FCN1: variants seen among roughly 807,000 people sequenced by gnomAD.
FCN1 encodes ficolin 1, also known as ficolin-1.
FCN1 carries 42 observed loss-of-function variants against 35.6 expected under a neutral mutation model. That is an observed-to-expected ratio of 1.18 (90% confidence interval 0.92 to 1.53). The LOEUF is 1.53. Among genes scored for constraint, FCN1 ranks in the 40% most tolerant of loss-of-function variants. The probability of loss-of-function intolerance (pLI) is 0.00; values close to 1 mark genes in which losing one functional copy is unlikely to be tolerated. For missense variants in FCN1, 439 were observed against 428.4 expected, an observed-to-expected ratio of 1.02 and a Z score of -0.22; for synonymous variants, 179 against 169.8, an observed-to-expected ratio of 1.05 and a Z score of -0.42.
Position 134,917,693 on chromosome 9 carries a change from T to G in FCN1, c.103+76A>C, listed in dbSNP as rs367660674. ...ACAGGAAGATGTGCATAAAAGGTTT[T>G]GCCTGGGACACCCGAGTGTCAGTGA... On this transcript the variant is annotated intron_variant, in intron 1 of 8. Coordinates refer to ENST00000371806, the MANE Select transcript of FCN1 (RefSeq NM_002003.5). 21 of 910,672 alleles carry G rather than the reference T, an allele frequency of 2.3e-5. No individual in the cohort carries two copies. The East Asian group carries it at 3.6e-4, about 16-fold the overall frequency. 56.4% of individuals were successfully genotyped at this position (910,672 alleles called of 1,614,324 possible).
At chr9:134,910,176 A>C in intron 8 of FCN1, 131 bp from the exon 9 acceptor site, 1 of 839,570 alleles carries the variant, frequency 1.2e-6, no homozygotes, top group Non-Finnish European at 2.0e-6. Context: ...CAGGTGCACA[A>C]ATGACCCACC....
chr9:134,911,534 A>G (rs1367134260), intron 7 of FCN1, among the ~76,000 whole-genome samples: 1 of 144,336 alleles, frequency 6.9e-6, no homozygotes, highest in Non-Finnish European at 1.5e-5. Flanking sequence ...TTGTATTTTT[A>G]GTAGAGATGG....
In FCN1 at chr9:134,907,564, C is replaced by T. The variant is rs1448435954; in HGVS notation, c.*2234G>A. 6.6e-6 allele frequency: 1 copy of T among 152,228 alleles called. No homozygotes were observed. Among genetic ancestry groups the T allele is most frequent in the Non-Finnish European group, 1.5e-5 (1 of 68,044 alleles). 9.4% of individuals were successfully genotyped at this position (152,228 alleles called of 1,614,324 possible). ...CCCCAGAGGCTTGTCCCTGTCCCTT[C>T]CCAGTCACCATGTGGTCCCACCCTC... is the stretch of plus-strand genomic sequence containing the variant. On this transcript the variant is annotated 3_prime_UTR_variant, in exon 9 of 9. Transcript: ENST00000371806.
Position 134,909,788 on chromosome 9 carries a change from C to T in FCN1, c.*10G>A, listed in dbSNP as rs779764622. The T allele has an allele frequency of 3.7e-6, 6 of 1,612,118 alleles. No homozygotes were observed. Among genetic ancestry groups the T allele is most frequent in the South Asian group, 2.2e-5 (2 of 90,992 alleles). On this transcript the variant is annotated 3_prime_UTR_variant, in exon 9 of 9. Coordinates refer to ENST00000371806, the MANE Select transcript of FCN1 (RefSeq NM_002003.5). ...CACTAGCAGGTGCATGTGGAGGGGT[C>T]CTGGCCCGTCTAGGCGGGCCGCACC... is the stretch of plus-strand genomic sequence containing the variant.
chr9:134,904,912 A>G lies in FCN1; in HGVS notation c.*4886T>C, dbSNP rs1044321159. Among the ~76,000 whole-genome samples the G allele has an allele frequency of 1.3e-5, 2 of 152,350 alleles. No homozygotes were observed. Among genetic ancestry groups the G allele is most frequent in the African/African-American group, 4.8e-5 (2 of 41,584 alleles). ...GCAACATAAAGTGTAAAAATGTGGTAAAAATGAATACGGACTGCACAAAAC... is the reference window on the plus strand; with the variant it reads ...GCAACATAAAGTGTAAAAATGTGGTGAAAATGAATACGGACTGCACAAAAC... On this transcript the variant is annotated 3_prime_UTR_variant, in exon 9 of 9. Coordinates refer to ENST00000371806, the MANE Select transcript of FCN1 (RefSeq NM_002003.5).
At position 134,909,225 on chromosome 9, in the gene FCN1, A is replaced by G. The variant is rs1478686199; in HGVS notation, c.*573T>C. Reference sequence around the variant, plus strand: ...TCCCAGCAGCCAGCCAGCCCAAAGCATGAACTCTGCCGTGGTGGGAAGCAG... The same window carrying G: ...TCCCAGCAGCCAGCCAGCCCAAAGCGTGAACTCTGCCGTGGTGGGAAGCAG... On this transcript the variant is annotated 3_prime_UTR_variant, in exon 9 of 9. Transcript: ENST00000371806. 2 of 1,289,820 alleles carry G rather than the reference A, an allele frequency of 1.6e-6. No homozygotes were observed. The highest frequency in any genetic ancestry group is 2.0e-6 in the Non-Finnish European group (2 of 988,878). 79.9% of individuals were successfully genotyped at this position (1,289,820 alleles called of 1,614,324 possible).
At chr9:134,917,316 C>A (rs1214075203) in intron 1 of FCN1, among the ~76,000 whole-genome samples, 3 of 152,192 alleles carry the variant, frequency 2.0e-5, no homozygotes, top group African/African-American at 4.8e-5. Flanking sequence ...AAACACCTTA[C>A]CACCGTTCAA....
In FCN1 at chr9:134,916,411, C is replaced by A; in HGVS notation, c.154G>T (p.Gly52Cys). The change falls in exon 2 of 9, where the codon GGC becomes TGC. Residue 52 changes from glycine (G) to cysteine (C), a missense_variant. By Grantham distance (159) the Gly-to-Cys change is radical. Coordinates refer to ENST00000371806, the MANE Select transcript of FCN1 (RefSeq NM_002003.5). Reference sequence around the variant, plus strand: ...GGGGCCCCGGGCAGCCCCGGGCAGCCTCGGAGAATGGTGAGCTTGTCAGAG... The same window carrying A: ...GGGGCCCCGGGCAGCCCCGGGCAGCATCGGAGAATGGTGAGCTTGTCAGAG... ...EGSDKLTILR[G>C]CPGLPGAPGP... is the part of the protein sequence containing the mutation. The A allele has an allele frequency of 6.2e-7, 1 of 1,614,244 alleles. No individual in the cohort carries two copies. The highest frequency in any genetic ancestry group is 1.1e-5 in the South Asian group (1 of 91,090).
chr9:134,906,707 A>C lies in FCN1; in HGVS notation c.*3091T>G, dbSNP rs1194380989. 6.6e-6 allele frequency: 1 copy of C among 152,176 alleles called. No individual in the cohort carries two copies. The highest frequency in any genetic ancestry group is 1.5e-5 in the Non-Finnish European group (1 of 68,034). 9.4% of individuals were successfully genotyped at this position (152,176 alleles called of 1,614,324 possible). Reference sequence around the variant, plus strand: ...TTATATTGGATTTGTGAGATTCTTCATAATAGGCCAAATTATTTAAACATT... The same window carrying C: ...TTATATTGGATTTGTGAGATTCTTCCTAATAGGCCAAATTATTTAAACATT... On this transcript the variant is annotated 3_prime_UTR_variant, in exon 9 of 9. Coordinates refer to ENST00000371806, the MANE Select transcript of FCN1 (RefSeq NM_002003.5).
chr9:134,909,527 C>T lies in FCN1; in HGVS notation c.*271G>A. The T allele has an allele frequency of 7.3e-7, 1 of 1,378,852 alleles. No homozygotes were observed. The highest frequency in any genetic ancestry group is 9.6e-7 in the Non-Finnish European group (1 of 1,046,836). 85.4% of individuals were successfully genotyped at this position (1,378,852 alleles called of 1,614,324 possible). On this transcript the variant is annotated 3_prime_UTR_variant, in exon 9 of 9. Coordinates refer to ENST00000371806, the MANE Select transcript of FCN1 (RefSeq NM_002003.5). ...AGGGAAAGACCTGCCGTGCAACAGA[C>T]ACAGGAAAGTGATCAAAACCACTGG... is the stretch of plus-strand genomic sequence containing the variant.
rs535339253 is a variant in FCN1 at position 134,913,897 on chromosome 9, C to T, written c.308-284G>A. 3.9e-5 allele frequency among the ~76,000 whole-genome samples: 6 copies of T among 152,250 alleles called. No homozygotes were observed. The East Asian group carries it at 7.7e-4, about 20-fold the overall frequency. ...CGAACTGGACCCCTAGTGGGGCCTT[C>T]GCCACTGATAACAGCGGAATAACTC... On this transcript the variant is annotated intron_variant, in intron 4 of 8. Coordinates refer to ENST00000371806, the MANE Select transcript of FCN1 (RefSeq NM_002003.5).
At position 134,905,903 on chromosome 9, in the gene FCN1, TTCTTCTTCTTCTTCTTCTTCTCCC is replaced by T. The variant is rs1564215490; in HGVS notation, c.*3871_*3894del. ...CTTCTTCTTCTTCTTCTTCTTCTTC[TTCTTCTTCTTCTTCTTCTTCTCCC>T]TCTCCCTCTCCCTCTCCCTCTCCCT... On this transcript the variant is annotated 3_prime_UTR_variant, in exon 9 of 9. Coordinates refer to ENST00000371806, the MANE Select transcript of FCN1 (RefSeq NM_002003.5). 3.6e-5 allele frequency: 4 copies of T among 112,032 alleles called. No individual in the cohort carries two copies. Among genetic ancestry groups the T allele is most frequent in the Admixed American group, 1.6e-4 (2 of 12,210 alleles). 6.9% of individuals were successfully genotyped at this position (112,032 alleles called of 1,614,324 possible).
chr9:134,913,685 C>T, intron 4 of FCN1, 72 bp from the exon 5 acceptor site: 1 of 1,222,436 alleles, frequency 8.2e-7, no homozygotes, highest in Non-Finnish European at 1.2e-6. Flanking sequence ...CCCAGTGGCT[C>T]CCTGAGCACA....
intron 2 of FCN1, 105 bp downstream of exon 2, chr9:134,916,243 C>A: frequency 1.1e-6 from 1 of 894,416 alleles, no homozygotes; most frequent in Non-Finnish European, 1.8e-6. Context: ...GGCTCTTGAT[C>A]TAGGAACCAC....
At position 134,916,469 on chromosome 9, in the gene FCN1, G is replaced by A. The variant is rs1228702985; in HGVS notation, c.104-8C>T. 1 of 1,612,406 alleles carries A rather than the reference G, an allele frequency of 6.2e-7. No individual in the cohort carries two copies. Among genetic ancestry groups the A allele is most frequent in the African/African-American group, 1.3e-5 (1 of 74,924 alleles). ...GGCCCACCACCTTCACCTCTGCAGA[G>A]AAACACAGGTGCCCACTCAGTGCCT... On this transcript the variant is annotated splice_region_variant and splice_polypyrimidine_tract_variant and intron_variant, in intron 1 of 8. Coordinates refer to ENST00000371806, the MANE Select transcript of FCN1 (RefSeq NM_002003.5).
chr9:134,912,383 A>G lies in FCN1; in HGVS notation c.598+103T>C, dbSNP rs1272049896. On this transcript the variant is annotated intron_variant, in intron 7 of 8. Coordinates refer to ENST00000371806, the MANE Select transcript of FCN1 (RefSeq NM_002003.5). ...GCCACCTGAGTGTGCTCAGGGCCCA[A>G]TCCCCTGTGGGCCAAGAGGTGCTTA... 4.9e-6 allele frequency: 6 copies of G among 1,232,114 alleles called. No homozygotes were observed. In the East Asian group the frequency reaches 1.2e-4, roughly 25 times the overall value. The allele number at this position is 1,232,114 out of a possible 1,614,324, so 76.3% of individuals were successfully genotyped here.
chr9:134,915,514 A>G (rs1404196745), intron 2 of FCN1, among the ~76,000 whole-genome samples: 2 of 152,176 alleles, frequency 1.3e-5, no homozygotes, highest in Admixed American at 6.5e-5. Context: ...CTTCCTCCCC[A>G]GTGTTCCCTC....
In FCN1 at chr9:134,905,698, A is replaced by C. The variant is rs550643570; in HGVS notation, c.*4100T>G. Among the ~76,000 whole-genome samples the C allele has an allele frequency of 1.3e-4, 20 of 151,192 alleles. No individual in the cohort carries two copies. The highest frequency in any genetic ancestry group is 2.5e-4 in the Non-Finnish European group (17 of 67,846). The stretch of plus-strand genomic sequence containing the variant: ...ACGGGGTTTCATCATGTTAGCCAGG[A>C]TGGTCTTGATCTCCTGACCTTGTGA... On this transcript the variant is annotated 3_prime_UTR_variant, in exon 9 of 9. Coordinates refer to ENST00000371806, the MANE Select transcript of FCN1 (RefSeq NM_002003.5).
intron 4 of FCN1, 128 bp from the exon 5 acceptor site, chr9:134,913,741 C>A: frequency 1.6e-6 from 1 of 620,268 alleles, no homozygotes; most frequent in Non-Finnish European, 2.7e-6. Flanking sequence ...CTCCAGGACA[C>A]GTGGCACAGG....
Sources: allele counts gnomAD v4.1 joint callset (sites outside exome capture counted in the v4.1 genomes callset), GRCh38; gene constraint gnomAD v4.1.1; transcripts MANE v1.5; gene names NCBI Gene and HGNC (gene_info 2026-07-23, HGNC 2026-07-21).